EIF2B4: variants seen among roughly 807,000 people sequenced by gnomAD.
EIF2B4 encodes eukaryotic translation initiation factor 2B subunit delta, also known as translation initiation factor eIF2B subunit delta.
Under a neutral mutation model 66.7 loss-of-function variants are expected in EIF2B4, and 34 were observed. The ratio of observed to expected loss-of-function variants is 0.51; its 90% CI spans 0.39 to 0.68. The LOEUF is 0.68. Ranked by LOEUF, EIF2B4 falls within the 30% of genes least tolerant of loss-of-function variation. The probability of loss-of-function intolerance (pLI) is 0.00; values close to 1 mark genes in which losing one functional copy is unlikely to be tolerated. For synonymous variants in EIF2B4, 278 were observed against 253.6 expected (o/e 1.10, Z -0.92); for missense variants, 618 against 657.9 (o/e 0.94, Z 0.66).
In EIF2B4 at chr2:27,364,567, C is replaced by T; in HGVS notation, c.1405G>A (p.Glu469Lys). The T allele has an allele frequency of 6.2e-7, 1 of 1,614,198 alleles. No homozygotes were observed. Among genetic ancestry groups the T allele is most frequent in the Non-Finnish European group, 8.5e-7 (1 of 1,180,040 alleles). ...TGCCAGTTAGCCAGCGCAACATGTT[C>T]TCCCCGCTTACATTGCAGATCATCA... is the stretch of plus-strand genomic sequence containing the variant. ...DPDDLQCKRG[E>K]HVALANWQNH... The change falls in exon 13 of 13, where the codon GAA becomes AAA. Residue 469 changes from glutamate (E) to lysine (K), a missense_variant. Around this residue, in one of 4 missense-constraint regions of EIF2B4, gnomAD observed 63 missense variants for 47.5 expected, o/e 1.33. Coordinates refer to ENST00000347454, the MANE Select transcript of EIF2B4 (RefSeq NM_001034116.2).
intron 3 of EIF2B4, 28 bp from the exon 4 acceptor site, chr2:27,369,240 A>G (rs373099439): frequency 1.6e-4 from 265 of 1,607,262 alleles, no homozygotes; most frequent in Non-Finnish European, 2.2e-4. Flanking sequence ...AAAAATGCCC[A>G]AGCTGCAGGC....
chr2:27,367,477 T>G lies in EIF2B4; in HGVS notation c.865A>C (p.Ser289Arg), dbSNP rs577147537. 19 of 1,614,188 alleles carry G rather than the reference T, an allele frequency of 1.2e-5. No individual in the cohort carries two copies. The South Asian group carries it at 2.0e-4, about 17-fold the overall frequency. The change falls in exon 9 of 13, where the codon AGT (serine) becomes CGT (arginine). Residue 289 changes from serine to arginine, a missense_variant. By Grantham distance (110) the Ser-to-Arg change is moderately radical. Transcript: ENST00000347454. ...ATCACCTCCTCTTCCCGCTTGGAAC[T>G]GCCCACACTGGTGATTTCCTTGTTA... ...FLNKEITSVG[S>R]SKREEEAKSE...
At chr2:27,367,985 G>A (rs1195183765) in intron 7 of EIF2B4, 40 bp downstream of exon 7, 1 of 1,536,896 alleles carries the variant, frequency 6.5e-7, no homozygotes, top group Non-Finnish European at 8.9e-7. Flanking sequence ...TATTGGGGGA[G>A]GTGGGGTTGG....
Position 27,367,541 on chromosome 2 carries a change from A to G in EIF2B4, c.801T>C (p.Arg267=). 6.2e-7 allele frequency: 1 copy of G among 1,614,040 alleles called. No individual in the cohort carries two copies. The part of the protein sequence containing the change: ...KPYMSFLTQC[R]PLSASMHNAI... ...CGTTGTGCATGCTCGCTGACAGGGG[A>G]CGGCACTGAGTCAGGAAGCTATAAT... is the stretch of plus-strand genomic sequence containing the variant. Residue 267 remains arginine, a synonymous_variant, in exon 9 of 13, where the codon CGT becomes CGC. Transcript: ENST00000347454.
At chr2:27,369,350 C>G in intron 3 of EIF2B4, 64 bp downstream of exon 3, 1 of 1,612,278 alleles carries the variant, frequency 6.2e-7, no homozygotes, top group Non-Finnish European at 8.5e-7. Flanking sequence ...TCTCCCTTAT[C>G]TCTCCCACCA....
chr2:27,369,457 T>C lies in EIF2B4; in HGVS notation c.168A>G (p.Ala56=), dbSNP rs1682174200. 6.2e-7 allele frequency: 1 copy of C among 1,614,038 alleles called. No homozygotes were observed. The highest frequency in any genetic ancestry group is 1.7e-5 in the Admixed American group (1 of 59,992). The change falls in exon 3 of 13, where the codon GCA becomes GCG. Residue 56 remains alanine (A), a synonymous_variant. Coordinates refer to ENST00000347454, the MANE Select transcript of EIF2B4 (RefSeq NM_001034116.2). ...QKKKRKEEKG[A]EPETGSAVSA... Reference sequence around the variant, plus strand: ...ATACAGCAGAGCCAGTCTCTGGTTCTGCCCCCTTTTCTTCCTTCCGTTTCT... The same window carrying C: ...ATACAGCAGAGCCAGTCTCTGGTTCCGCCCCCTTTTCTTCCTTCCGTTTCT...
chr2:27,368,906 G>A (rs1470589276), intron 4 of EIF2B4, 100 bp downstream of exon 4: 12 of 1,511,414 alleles, frequency 7.9e-6, no homozygotes, highest in Non-Finnish European at 1.1e-5. Context: ...TCAGAACTCT[G>A]GGTCCCAAGA....
intron 1 of EIF2B4, 142 bp from the exon 2 acceptor site, chr2:27,370,061 G>C: frequency 6.6e-7 from 1 of 1,505,878 alleles, no homozygotes; most frequent in Non-Finnish European, 8.9e-7. Context: ...GATCCGCGTG[G>C]GGACGCACTG....
chr2:27,367,628 A>C lies in EIF2B4; in HGVS notation c.783-69T>G. On this transcript the variant is annotated intron_variant, in intron 8 of 12. Coordinates refer to ENST00000347454, the MANE Select transcript of EIF2B4 (RefSeq NM_001034116.2). ...AACTTACAAAGCCTTCACATTTAAA[A>C]AAAAAGTCTTTAAAAAGAAAATAGA... 2.5e-6 allele frequency: 4 copies of C among 1,600,386 alleles called. No homozygotes were observed. The Admixed American group carries it at 6.7e-5, about 27-fold the overall frequency.
At chr2:27,364,694 G>A (rs765963322) in intron 12 of EIF2B4, 24 bp downstream of exon 12, 2 of 1,614,074 alleles carry the variant, frequency 1.2e-6, no homozygotes, top group East Asian at 2.2e-5. Context: ...CAGGTAGCTG[G>A]AGGCTTCTCT....
chr2:27,368,830 TGGAGAAAACG>T, intron 4 of EIF2B4, 97 bp from the exon 5 acceptor site: 1 of 1,473,564 alleles, frequency 6.8e-7, no homozygotes, highest in Non-Finnish European at 9.4e-7. Flanking sequence ...CAGGATGAGG[TGGAGAAAACG>T]GGAGAATAGG....
chr2:27,368,967 A>G lies in EIF2B4; in HGVS notation c.418+39T>C, dbSNP rs1036621304. The G allele has an allele frequency of 1.9e-6, 3 of 1,612,260 alleles. No homozygotes were observed. The African/African-American group carries it at 4.0e-5, about 22-fold the overall frequency. ...TTGGGCAGCCTGAGCTGGCGTTATAATTAGGAGTAAGGGAGGTCTTAAAAT... is the reference window on the plus strand; with the variant it reads ...TTGGGCAGCCTGAGCTGGCGTTATAGTTAGGAGTAAGGGAGGTCTTAAAAT... On this transcript the variant is annotated intron_variant, in intron 4 of 12. Coordinates refer to ENST00000347454, the MANE Select transcript of EIF2B4 (RefSeq NM_001034116.2).
chr2:27,369,648 G>T, intron 2 of EIF2B4, 99 bp from the exon 3 acceptor site: 1 of 1,593,392 alleles, frequency 6.3e-7, no homozygotes, highest in Non-Finnish European at 8.6e-7. Flanking sequence ...TAAATCCCTA[G>T]TTCTTCCTAA....
At chr2:27,366,958 A>C (rs1681910374) in intron 10 of EIF2B4, 22 bp from the exon 11 acceptor site, 2 of 1,614,184 alleles carry the variant, frequency 1.2e-6, no homozygotes, top group East Asian at 4.5e-5. Flanking sequence ...GAAGAGGAGG[A>C]TTCAGTTATA....
rs368507949 is a variant in EIF2B4, at chr2:27,368,978, G to A, written c.418+28C>T. 14 of 1,613,240 alleles carry A rather than the reference G, an allele frequency of 8.7e-6. No individual in the cohort carries two copies. In the African/African-American group the frequency reaches 1.6e-4, roughly 18 times the overall value. ...GAGCTGGCGTTATAATTAGGAGTAA[G>A]GGAGGTCTTAAAATGAAGGGAAGAT... is the stretch of plus-strand genomic sequence containing the variant. On this transcript the variant is annotated intron_variant, in intron 4 of 12. Transcript: ENST00000347454.
In EIF2B4 at chr2:27,364,502, A is replaced by G. The variant is rs376099446; in HGVS notation, c.1470T>C (p.Asp490=). The change falls in exon 13 of 13, where the codon GAT becomes GAC. Residue 490 remains aspartate, a synonymous_variant. Coordinates refer to ENST00000347454, the MANE Select transcript of EIF2B4 (RefSeq NM_001034116.2). ...ASLRLLNLVY[D]VTPPELVDLV... is the part of the protein sequence containing the mutation. Reference sequence around the variant, plus strand: ...GATCCACAAGCTCTGGGGGAGTCACATCATAGACTAGATTCAACAACCGTA... The same window carrying G: ...GATCCACAAGCTCTGGGGGAGTCACGTCATAGACTAGATTCAACAACCGTA... The G allele has an allele frequency of 3.6e-5, 58 of 1,614,116 alleles. No individual in the cohort carries two copies. The African/African-American group carries it at 6.4e-4, about 18-fold the overall frequency.
intron 2 of EIF2B4, 124 bp downstream of exon 2, chr2:27,369,752 C>G (rs1682218663): frequency 6.9e-7 from 1 of 1,453,720 alleles, no homozygotes; most frequent in Non-Finnish European, 9.3e-7. Flanking sequence ...TGCAAGACCT[C>G]TGTAAAATCT....
intron 9 of EIF2B4, 51 bp from the exon 10 acceptor site, chr2:27,367,252 C>T: frequency 1.9e-6 from 3 of 1,613,464 alleles, no homozygotes; most frequent in East Asian, 2.2e-5. Flanking sequence ...TTTTATCCCT[C>T]TGATGATCAT....
intron 5 of EIF2B4, 23 bp downstream of exon 5, chr2:27,368,631 C>T: frequency 6.2e-7 from 1 of 1,614,042 alleles, no homozygotes; most frequent in Non-Finnish European, 8.5e-7. Context: ...TCTTTCTAGC[C>T]AGGCACCAAA....
Sources: gnomAD v4.1 joint callset for allele counts on GRCh38, gnomAD v4.1.1 for gene constraint, gnomAD v4.1.1 regional missense constraint, MANE v1.5 for transcripts, NCBI Gene and HGNC (gene_info 2026-07-23, HGNC 2026-07-21) for gene names.